ESRRB: variants seen among roughly 807,000 people sequenced by gnomAD.
ESRRB encodes steroid hormone receptor ERR2.
A neutral mutation model predicts 46.0 loss-of-function variants in ESRRB; 16 were observed. The observed-to-expected ratio is 0.35, with a 90% CI of 0.24 to 0.53. ESRRB has a LOEUF of 0.53. ESRRB is among the 20% of genes least tolerant of loss of function. The probability of loss-of-function intolerance (pLI) is 0.93; values close to 1 mark genes in which losing one functional copy is unlikely to be tolerated. For missense variants in ESRRB, 488 were observed against 607.4 expected, an observed-to-expected ratio of 0.80 and a Z score of 2.07; for synonymous variants, 246 against 259.6, an observed-to-expected ratio of 0.95 and a Z score of 0.50.
chr14:76,361,778 G>A (rs1566860463), intron 1 of ESRRB, among the ~76,000 whole-genome samples: 1 of 152,226 alleles, frequency 6.6e-6, no homozygotes, highest in Admixed American at 6.5e-5. Context: ...GGGACTCTAT[G>A]GCTCGCCATG....
intron 1 of ESRRB, among the ~76,000 whole-genome samples, chr14:76,402,838 A>G (rs995618720): frequency 6.6e-6 from 1 of 151,888 alleles, no homozygotes; most frequent in African/African-American, 2.4e-5. Flanking sequence ...AGCTCTGGGA[A>G]TTCTTTCTTT....
rs1428302478 is a variant in ESRRB, at chr14:76,482,124, C to G, written c.686C>G (p.Pro229Arg). The G allele has an allele frequency of 2.5e-6, 4 of 1,612,268 alleles. No homozygotes were observed. Among genetic ancestry groups the G allele is most frequent in the African/African-American group, 1.3e-5 (1 of 74,998 alleles). Reference protein sequence around the residue: ...SLQISPPAKKPLTKIVSYLLV... With the variant: ...SLQISPPAKKRLTKIVSYLLV... ...CAAATTTCTCCACCTGCTAAAAAGC[C>G]ATGTGAGTGTCAGGGCAGTCCCTGC... The change falls in exon 4 of 7, where the codon CCA (proline) becomes CGA (arginine). Residue 229 changes from proline (P) to arginine (R), a missense_variant and splice_region_variant. Transcript: ENST00000644823. The surrounding 1 kb of genome is among the most constrained non-coding windows in gnomAD (Gnocchi z 4.3).
chr14:76,311,726 T>C (rs7151924), intron 1 of ESRRB, among the ~76,000 whole-genome samples: 46,780 of 152,012 alleles, frequency 0.31, 7,778 homozygotes, highest in African/African-American at 0.45. Flanking sequence ...CTTAATATCG[T>C]GAGGCTTGTC....
chr14:76,482,724 T>C lies in ESRRB; in HGVS notation c.815T>C (p.Leu272Pro). 1 of 1,614,158 alleles carries C rather than the reference T, an allele frequency of 6.2e-7. No individual in the cohort carries two copies. The highest frequency in any genetic ancestry group is 8.5e-7 in the Non-Finnish European group (1 of 1,180,022). ...CTCTGTGACCTGGCAGACCGAGAGC[T>C]TGTGGTCATCATTGGCTGGGCCAAG... The part of the protein sequence containing the change: ...TTLCDLADRE[L>P]VVIIGWAKHI... Residue 272 changes from leucine to proline, a missense_variant, in exon 5 of 7, where the codon CTT (leucine) becomes CCT (proline). Physicochemically the swap from Leu to Pro is moderately conservative, Grantham distance 98. Coordinates refer to ENST00000644823, the MANE Select transcript of ESRRB (RefSeq NM_001379180.1). The surrounding 1 kb of genome is among the most constrained non-coding windows in gnomAD (Gnocchi z 4.3).
chr14:76,324,963 CTTTTTTTTT>C lies in ESRRB; in HGVS notation c.2+14060_2+14068del, dbSNP rs34780208. Among the ~76,000 whole-genome samples the C allele has an allele frequency of 1.7e-3, 173 of 102,198 alleles. 1 individual carries two copies. The highest frequency in any genetic ancestry group is 8.2e-3 in the South Asian group (23 of 2,808). The allele number at this position is 102,198 out of a possible 152,430, so 67.0% of individuals were successfully genotyped here. A position where few individuals can be genotyped will look rare whatever the true frequency, so the allele number is the denominator to read the frequency against. ...GGCACTTTCTTTTCTTTTTCTTTTT[CTTTTTTTTT>C]TTTTTTTTTTTTGAGACAGAGTCTT... On this transcript the variant is annotated intron_variant, in intron 1 of 6. Coordinates refer to the ESRRB transcript ENST00000512784.
chr14:76,393,096 G>A (rs1285612313), intron 1 of ESRRB, among the ~76,000 whole-genome samples: 1 of 152,232 alleles, frequency 6.6e-6, no homozygotes, highest in Non-Finnish European at 1.5e-5. Flanking sequence ...GCTTTGGTCT[G>A]TAAGGTGCTG....
At position 76,347,447 on chromosome 14, in the gene ESRRB, C is replaced by G. The variant is rs1449506565; in HGVS notation, c.2+36531C>G. 3.9e-4 allele frequency among the ~76,000 whole-genome samples: 3 copies of G among 7,702 alleles called. 1 individual carries two copies. The highest frequency in any genetic ancestry group is 6.4e-4 in the African/African-American group (3 of 4,674). 5.1% of individuals were successfully genotyped at this position (7,702 alleles called of 152,430 possible). ...TGTGTGTGTGTGTCACACACACACA[C>G]CGAGAAAACTAAATGAGAATTAAAT... On this transcript the variant is annotated intron_variant, in intron 1 of 6. Transcript: ENST00000512784.
At chr14:76,379,278 T>C (rs909135775) in intron 1 of ESRRB, among the ~76,000 whole-genome samples, 1 of 152,152 alleles carries the variant, frequency 6.6e-6, no homozygotes, top group Non-Finnish European at 1.5e-5. Flanking sequence ...TGTGTGTGCC[T>C]GTGTACAAAT....
At chr14:76,384,758 G>A (rs981027718) in intron 1 of ESRRB, among the ~76,000 whole-genome samples, 2 of 152,170 alleles carry the variant, frequency 1.3e-5, no homozygotes, top group East Asian at 3.9e-4. Context: ...GGACAAGGGG[G>A]GGTTATGACT....
chr14:76,393,967 ATTTTTT>A (rs71122531), intron 1 of ESRRB, among the ~76,000 whole-genome samples: 14 of 126,964 alleles, frequency 1.1e-4, no homozygotes, highest in Non-Finnish European at 2.1e-4. Context: ...TGCCTGGCTA[ATTTTTT>A]TTTTTTTTTT....
Position 76,498,648 on chromosome 14 carries a change from GGGGGGCAGGGGTGT to G in ESRRB, c.*195_*208del. On this transcript the variant is annotated 3_prime_UTR_variant, in exon 7 of 7. Transcript: ENST00000644823. ...TGCAGTGGGGTGGGGGACGGGGATG[GGGGGGCAGGGGTGT>G]GGGGCTCGACTGTAACTGGCTTTTT... The G allele has an allele frequency of 1.7e-6, 2 of 1,170,656 alleles. No homozygotes were observed. Among genetic ancestry groups the G allele is most frequent in the Non-Finnish European group, 2.4e-6 (2 of 844,850 alleles). The allele number at this position is 1,170,656 out of a possible 1,614,324, so 72.5% of individuals were successfully genotyped here.
At chr14:76,459,004 C>T (rs1363660470) in intron 2 of ESRRB, among the ~76,000 whole-genome samples, 1 of 152,086 alleles carries the variant, frequency 6.6e-6, no homozygotes, top group Non-Finnish European at 1.5e-5. Context: ...ACCACCACAC[C>T]TGGCTAAGTT....
intron 1 of ESRRB, among the ~76,000 whole-genome samples, chr14:76,438,507 T>C (rs759196059): frequency 2.6e-5 from 4 of 151,980 alleles, no homozygotes; most frequent in Non-Finnish European, 4.4e-5. Flanking sequence ...CTATTAAAAA[T>C]ACAAAAATTA....
chr14:76,343,909 C>A (rs1415180138), intron 1 of ESRRB, among the ~76,000 whole-genome samples: 2 of 152,186 alleles, frequency 1.3e-5, no homozygotes, highest in Non-Finnish European at 2.9e-5. Flanking sequence ...AGAGACAAAT[C>A]AGGCAAACCC....
In ESRRB at chr14:76,491,590, C is replaced by T; in HGVS notation, c.994C>T (p.His332Tyr). The T allele has an allele frequency of 6.3e-7, 1 of 1,589,210 alleles. No homozygotes were observed. The highest frequency in any genetic ancestry group is 8.6e-7 in the Non-Finnish European group (1 of 1,168,462). ...YAEDYIMDEE[H>Y]SRLAGLLELY... is the part of the protein sequence containing the mutation. Reference sequence around the variant, plus strand: ...TGAGGACTACATCATGGATGAGGAGCACTCCCGCCTCGCGGGGCTGCTGGA... The same window carrying T: ...TGAGGACTACATCATGGATGAGGAGTACTCCCGCCTCGCGGGGCTGCTGGA... Residue 332 changes from histidine (H) to tyrosine (Y), a missense_variant, in exon 6 of 7, where the codon CAC becomes TAC. Transcript: ENST00000644823.
At chr14:76,443,997 G>C (rs1268418263) in intron 2 of ESRRB, among the ~76,000 whole-genome samples, 1 of 152,108 alleles carries the variant, frequency 6.6e-6, no homozygotes, top group African/African-American at 2.4e-5. Context: ...TAAACTCAAG[G>C]CTGACAGATT....
rs778910925 is a variant in ESRRB at position 76,482,707 on chromosome 14, C to T, written c.798C>T (p.Asp266=). The T allele has an allele frequency of 6.2e-7, 1 of 1,614,208 alleles. No individual in the cohort carries two copies. Among genetic ancestry groups the T allele is most frequent in the Non-Finnish European group, 8.5e-7 (1 of 1,180,038 alleles). The change falls in exon 5 of 7, where the codon GAC becomes GAT. Residue 266 remains aspartate, a synonymous_variant. Coordinates refer to ENST00000644823, the MANE Select transcript of ESRRB (RefSeq NM_001379180.1). This position sits in a 1 kb window ranked among gnomAD's most constrained non-coding sequence, Gnocchi z 4.3. Reference sequence around the variant, plus strand: ...TCAAGGCCCTGACCACTCTCTGTGACCTGGCAGACCGAGAGCTTGTGGTCA... The same window carrying T: ...TCAAGGCCCTGACCACTCTCTGTGATCTGGCAGACCGAGAGCTTGTGGTCA... ...GDIKALTTLC[D]LADRELVVII... is the part of the protein sequence containing the mutation.
chr14:76,491,376 G>C (rs1890217955), intron 5 of ESRRB, 71 bp from the exon 6 acceptor site: 11 of 1,528,418 alleles, frequency 7.2e-6, no homozygotes. Flanking sequence ...TCTGCCCCCA[G>C]CGAGCCCCAG....
intron 1 of ESRRB, among the ~76,000 whole-genome samples, chr14:76,320,611 A>G (rs925904850): frequency 1.3e-5 from 2 of 152,140 alleles, no homozygotes; most frequent in Admixed American, 1.3e-4. Context: ...CTAATGAGAG[A>G]AATGATACAA....
Sources: allele counts gnomAD v4.1 joint callset (sites outside exome capture counted in the v4.1 genomes callset), GRCh38; gene constraint gnomAD v4.1.1; non-coding constraint Gnocchi (gnomAD v3.1); transcripts MANE v1.5; gene names NCBI Gene and HGNC (gene_info 2026-07-23, HGNC 2026-07-21).